The following ADAM22 variants were observed in gnomAD, a reference collection of about 807,000 sequenced individuals.
ADAM22 encodes disintegrin and metalloproteinase domain-containing protein 22.
In ADAM22, 65 loss-of-function variants were observed where a neutral mutation model predicts 144.6. The observed-to-expected ratio is 0.45, with a 90% CI of 0.37 to 0.55. The LOEUF is 0.55. Among genes scored for constraint, ADAM22 ranks in the 20% least tolerant of loss-of-function variants. The pLI, the probability that ADAM22 is intolerant of heterozygous loss-of-function variation, is 0.00. For synonymous variants in ADAM22, 391 were observed against 412.6 expected (o/e 0.95, Z 0.63); for missense variants, 974 against 1,184.9 (o/e 0.82, Z 2.61).
intron 3 of ADAM22, among the ~76,000 whole-genome samples, chr7:88,053,358 A>G (rs1807045047): frequency 6.6e-6 from 1 of 151,944 alleles, no homozygotes; most frequent in Admixed American, 6.6e-5. Flanking sequence ...AGTCCCAGCT[A>G]CTTGGGAGGC....
At chr7:88,130,516 A>G in intron 10 of ADAM22, 57 bp downstream of exon 10, 2 of 1,479,086 alleles carry the variant, frequency 1.4e-6, no homozygotes, top group South Asian at 1.2e-5. Flanking sequence ...CTAATTGCTA[A>G]TAGAATGGAT....
intron 2 of ADAM22, among the ~76,000 whole-genome samples, chr7:87,959,002 A>G (rs1847443371): frequency 6.6e-6 from 1 of 151,918 alleles, no homozygotes; most frequent in Non-Finnish European, 1.5e-5. Flanking sequence ...TCCTATTTAG[A>G]TCCTTAATGA....
chr7:88,142,679 A>G (rs1835077496), intron 14 of ADAM22, among the ~76,000 whole-genome samples: 1 of 152,090 alleles, frequency 6.6e-6, no homozygotes, highest in Non-Finnish European at 1.5e-5. Flanking sequence ...TCTACTAAAA[A>G]TACAAAAAAT....
chr7:88,143,784 T>C (rs1835504884), intron 15 of ADAM22, among the ~76,000 whole-genome samples: 1 of 152,238 alleles, frequency 6.6e-6, no homozygotes, highest in African/African-American at 2.4e-5. Flanking sequence ...ATATGCACCA[T>C]TGCCTTTGTA....
At chr7:88,140,809 C>T (rs988139670) in intron 14 of ADAM22, among the ~76,000 whole-genome samples, 2 of 152,088 alleles carry the variant, frequency 1.3e-5, no homozygotes, top group Non-Finnish European at 2.9e-5. Flanking sequence ...GCACTCCAGC[C>T]TGGGCAACAG....
chr7:88,078,270 A>G (rs1815281721), intron 4 of ADAM22, among the ~76,000 whole-genome samples: 2 of 152,218 alleles, frequency 1.3e-5, no homozygotes, highest in Admixed American at 1.3e-4. Flanking sequence ...GTAAACTCCA[A>G]CAGACCTGCA....
intron 3 of ADAM22, among the ~76,000 whole-genome samples, chr7:88,039,118 A>T (rs1244407121): frequency 6.6e-6 from 1 of 151,922 alleles, no homozygotes; most frequent in Non-Finnish European, 1.5e-5. Context: ...AGTCATAATC[A>T]TCAAGTTTAT....
chr7:88,143,304 GC>G (rs1188486333), intron 15 of ADAM22, among the ~76,000 whole-genome samples, 179 bp downstream of exon 15: 2 of 152,292 alleles, frequency 1.3e-5, no homozygotes, highest in Non-Finnish European at 2.9e-5. Flanking sequence ...GGCATTTTGG[GC>G]TATTCTGATG....
chr7:88,183,010 C>A lies in ADAM22; in HGVS notation c.2663+986C>A, dbSNP rs1036319376. Among the ~76,000 whole-genome samples the A allele has an allele frequency of 3.3e-5, 5 of 152,102 alleles. No homozygotes were observed. In the South Asian group the frequency reaches 6.2e-4, roughly 19 times the overall value. ...GTTAGCTTTTCCGTCATATACCCTG[C>A]CTTTTTCAGTCCAGGAATAATAACA... On this transcript the variant is annotated intron_variant, in intron 29 of 31. Transcript: ENST00000413139.
intron 2 of ADAM22, among the ~76,000 whole-genome samples, chr7:87,952,664 G>A (rs1345179598): frequency 2.6e-5 from 4 of 152,068 alleles, no homozygotes; most frequent in African/African-American, 9.7e-5. Flanking sequence ...CATAAAATGA[G>A]TTAGGGAGGA....
intron 2 of ADAM22, among the ~76,000 whole-genome samples, chr7:87,964,030 T>G (rs1310316369): frequency 1.3e-5 from 2 of 152,214 alleles, no homozygotes; most frequent in Non-Finnish European, 2.9e-5. Context: ...CTAAGGGTAG[T>G]CTTCATGTGA....
chr7:88,115,520 CAG>C (rs142773750), intron 6 of ADAM22, among the ~76,000 whole-genome samples: 285 of 149,248 alleles, frequency 1.9e-3, no homozygotes, highest in African/African-American at 5.3e-3. Flanking sequence ...TCTCACATGG[CAG>C]AGAGAGAGAG....
rs1445435947 is a variant in ADAM22, at chr7:87,944,296, A to ACACACAATTTGCTGGTG, written c.246+9121_246+9122insCTGGTGCACACAATTTG. ...AGGCTGGTACACACAATTTGCTGGT[A>ACACACAATTTGCTGGTG]CACACAATTTGGTCATTGCTCAAGC... On this transcript the variant is annotated intron_variant, in intron 2 of 31. Coordinates refer to ENST00000413139, the MANE Select transcript of ADAM22 (RefSeq NM_001324418.2). Among the ~76,000 whole-genome samples, 70 of 151,700 alleles carry ACACACAATTTGCTGGTG rather than the reference A, an allele frequency of 4.6e-4. 1 individual carries two copies. The highest frequency in any genetic ancestry group is 1.6e-3 in the African/African-American group (65 of 41,106).
At position 88,192,984 on chromosome 7, in the gene ADAM22, CA is replaced by C. The variant is rs962107048; in HGVS notation, c.2751-131del. The C allele has an allele frequency of 3.9e-6, 4 of 1,029,110 alleles. No individual in the cohort carries two copies. The African/African-American group carries it at 6.4e-5, about 17-fold the overall frequency. The allele number at this position is 1,029,110 out of a possible 1,614,324, so 63.7% of individuals were successfully genotyped here. On this transcript the variant is annotated intron_variant, in intron 30 of 31. Transcript: ENST00000413139. ...TGTTGAGAATGACAGAATATCTTCC[CA>C]GTAGTTAAATCTTTGCAGTAGTGGT... is the stretch of plus-strand genomic sequence containing the variant.
intron 2 of ADAM22, among the ~76,000 whole-genome samples, chr7:87,940,467 A>G (rs1207788471): frequency 6.6e-6 from 1 of 152,202 alleles, no homozygotes; most frequent in African/African-American, 2.4e-5. Flanking sequence ...TGGGACAGAA[A>G]AATTTTAGAA....
chr7:88,153,420 C>A, intron 21 of ADAM22, 94 bp downstream of exon 21: 1 of 996,206 alleles, frequency 1.0e-6, no homozygotes, highest in Non-Finnish European at 1.5e-6. Context: ...CTGCATCACA[C>A]AAAGTGTGCT....
In ADAM22 at chr7:87,942,693, G is replaced by A. The variant is rs1842707000; in HGVS notation, c.246+7507G>A. On this transcript the variant is annotated intron_variant, in intron 2 of 31. Coordinates refer to ENST00000413139, the MANE Select transcript of ADAM22 (RefSeq NM_001324418.2). ...TTGTGAGGATATCTGACATTTAAAT[G>A]GTGAAAAACACCTCTTGAAGGACAC... Among the ~76,000 whole-genome samples, 7 of 152,198 alleles carry A rather than the reference G, an allele frequency of 4.6e-5. 1 individual carries two copies. In the South Asian group the frequency reaches 1.5e-3, roughly 32 times the overall value.
intron 26 of ADAM22, among the ~76,000 whole-genome samples, chr7:88,174,385 T>C (rs1009932853): frequency 6.6e-6 from 1 of 151,164 alleles, no homozygotes; most frequent in Non-Finnish European, 1.5e-5. Context: ...CAGTGTCTTA[T>C]AATGGGCAGA....
chr7:88,131,557 T>C, intron 11 of ADAM22, 122 bp downstream of exon 11: 1 of 1,044,978 alleles, frequency 9.6e-7, no homozygotes, highest in East Asian at 2.6e-5. Context: ...AGATGGCAGA[T>C]AGATTTGGAA....
Sources: allele counts gnomAD v4.1 joint callset (sites outside exome capture counted in the v4.1 genomes callset), GRCh38; gene constraint gnomAD v4.1.1; transcripts MANE v1.5; gene names NCBI Gene and HGNC (gene_info 2026-07-23, HGNC 2026-07-21).